Variants in ANO2 observed in about 807,000 individuals in gnomAD.
ANO2 encodes the protein anoctamin 2.
Under a neutral mutation model 124.2 loss-of-function variants are expected in ANO2, and 101 were observed. The ratio of observed to expected loss-of-function variants is 0.81; its 90% CI spans 0.69 to 0.96. The LOEUF (loss-of-function observed/expected upper bound fraction) is 0.96. Among genes scored for constraint, ANO2 ranks in the 40% least tolerant of loss-of-function variants. The pLI is 0.00. For missense variants in ANO2, 1,293 were observed against 1,274.5 expected (o/e 1.01, Z -0.22); for synonymous variants, 486 against 482.5 (o/e 1.01, Z -0.09).
intron 14 of ANO2, among the ~76,000 whole-genome samples, chr12:5,714,819 T>C (rs943610900): frequency 2.0e-5 from 3 of 152,222 alleles, no homozygotes; most frequent in African/African-American, 4.8e-5. Flanking sequence ...CTAAACTATA[T>C]ACAACCGGGA....
At chr12:5,715,813 G>GC (rs1301717224) in intron 14 of ANO2, among the ~76,000 whole-genome samples, 20 of 152,140 alleles carry the variant, frequency 1.3e-4, no homozygotes, top group Admixed American at 6.5e-4. Context: ...TGAGCTTCTG[G>GC]TAATCTATCC....
intron 11 of ANO2, among the ~76,000 whole-genome samples, chr12:5,747,156 A>G (rs1027748424): frequency 6.6e-6 from 1 of 152,234 alleles, no homozygotes; most frequent in Non-Finnish European, 1.5e-5. Flanking sequence ...CCTCTGTACT[A>G]TCTTTGCAAG....
chr12:5,783,985 A>T (rs1417697200), intron 10 of ANO2, among the ~76,000 whole-genome samples: 3 of 152,108 alleles, frequency 2.0e-5, no homozygotes, highest in African/African-American at 7.2e-5. Context: ...AAATCCTTCT[A>T]CATCACTTTA....
At chr12:5,799,312 C>T (rs925909644) in intron 10 of ANO2, among the ~76,000 whole-genome samples, 195 bp downstream of exon 10, 1 of 152,198 alleles carries the variant, frequency 6.6e-6, no homozygotes, top group South Asian at 2.1e-4. Flanking sequence ...TATCTTTTGC[C>T]CCACGCAGCC....
intron 3 of ANO2, among the ~76,000 whole-genome samples, chr12:5,919,447 C>T (rs929422179): frequency 3.4e-5 from 5 of 148,380 alleles, no homozygotes; most frequent in African/African-American, 1.2e-4. Context: ...GGCAACAGCA[C>T]AAAGACCTGA....
chr12:5,732,723 G>A (rs180712793), intron 13 of ANO2, 93 bp from the exon 14 acceptor site: 80 of 1,520,384 alleles, frequency 5.3e-5, no homozygotes, highest in East Asian at 3.0e-4. Flanking sequence ...TAACGTCAGC[G>A]TTTAGGATTG....
At chr12:5,672,947 T>C (rs1189269150) in intron 14 of ANO2, among the ~76,000 whole-genome samples, 7 of 152,188 alleles carry the variant, frequency 4.6e-5, no homozygotes, top group Admixed American at 1.3e-4. Context: ...AAATAGGTAA[T>C]GTATTCCTAC....
At chr12:5,732,984 A>G in intron 13 of ANO2, 1 of 1,304,042 alleles carries the variant, frequency 7.7e-7, no homozygotes, top group Admixed American at 1.8e-5. Context: ...AGGCAGAGGG[A>G]TATCCCTGGT....
intron 16 of ANO2, among the ~76,000 whole-genome samples, chr12:5,626,331 G>T (rs1945402578): frequency 6.6e-6 from 1 of 152,086 alleles, no homozygotes; most frequent in Non-Finnish European, 1.5e-5. Context: ...GCGGGTGGAG[G>T]TAACATATGT....
chr12:5,910,512 G>T (rs1940983541), intron 3 of ANO2, among the ~76,000 whole-genome samples: 3 of 152,154 alleles, frequency 2.0e-5, no homozygotes, highest in Admixed American at 2.0e-4. Context: ...ACAGTCACAG[G>T]AACTCATCTT....
intron 16 of ANO2, among the ~76,000 whole-genome samples, chr12:5,627,871 T>C (rs1006058567): frequency 1.4e-4 from 22 of 151,924 alleles, no homozygotes; most frequent in African/African-American, 5.1e-4. Context: ...GGCAGGAGAA[T>C]CACTTGAGCC....
intron 22 of ANO2, among the ~76,000 whole-genome samples, chr12:5,577,327 T>C (rs1942468530): frequency 1.3e-5 from 2 of 151,972 alleles, no homozygotes; most frequent in African/African-American, 4.9e-5. Context: ...CTGGCTGATA[T>C]GTTCCTGGGA....
At position 5,900,823 on chromosome 12, in the gene ANO2, A is replaced by C. The variant is rs998090669; in HGVS notation, c.534+20217T>G. ...TGGTGATGGCTGTTTGGAAAGAGTC[A>C]AGGCCAAGAGGGCAGGAAGGCGTCT... On this transcript the variant is annotated intron_variant, in intron 3 of 24. Coordinates refer to ENST00000682330, the MANE Select transcript of ANO2 (RefSeq NM_001364791.2). This position sits in a 1 kb window ranked among gnomAD's most constrained non-coding sequence, Gnocchi z 4.2. 6.6e-6 allele frequency among the ~76,000 whole-genome samples: 1 copy of C among 151,774 alleles called. No homozygotes were observed. The highest frequency in any genetic ancestry group is 6.5e-5 in the Admixed American group (1 of 15,274).
chr12:5,711,136 C>T (rs921225375), intron 14 of ANO2, among the ~76,000 whole-genome samples: 4 of 146,098 alleles, frequency 2.7e-5, no homozygotes, highest in African/African-American at 5.1e-5. Context: ...CCAGCCTGGG[C>T]GACAGAGCGA....
intron 16 of ANO2, among the ~76,000 whole-genome samples, chr12:5,631,199 A>G (rs928607354): frequency 2.6e-5 from 4 of 152,230 alleles, no homozygotes; most frequent in African/African-American, 7.2e-5. Flanking sequence ...AAGATCAGAC[A>G]GTACCTGATC....
chr12:5,805,702 T>G (rs1472954148), intron 9 of ANO2, among the ~76,000 whole-genome samples: 1 of 152,152 alleles, frequency 6.6e-6, no homozygotes, highest in East Asian at 1.9e-4. Flanking sequence ...TAGGCCAAGG[T>G]GCTCAAGTTT....
At chr12:5,880,910 G>GATGGATGGATGGATGT (rs1384029037) in intron 3 of ANO2, among the ~76,000 whole-genome samples, 1 of 151,852 alleles carries the variant, frequency 6.6e-6, no homozygotes, top group Non-Finnish European at 1.5e-5. Context: ...GGGATGGATG[G>GATGGATGGATGGATGT]ATGGATGGAT....
rs939394647 is a variant in ANO2, at chr12:5,658,556, C to T, written c.1546-10755G>A. Among the ~76,000 whole-genome samples, 14 of 151,424 alleles carry T rather than the reference C, an allele frequency of 9.2e-5. No individual in the cohort carries two copies. Among genetic ancestry groups the T allele is most frequent in the Admixed American group, 2.0e-4 (3 of 15,232 alleles). On this transcript the variant is annotated intron_variant, in intron 14 of 24. Coordinates refer to ENST00000682330, the MANE Select transcript of ANO2 (RefSeq NM_001364791.2). This position sits in a 1 kb window ranked among gnomAD's most constrained non-coding sequence, Gnocchi z 4.3. ...CATCGTATCAAAATCAATATAATCA[C>T]CAACATCAATATTATCATTGTCATC...
chr12:5,593,071 C>T (rs897124843), intron 20 of ANO2, among the ~76,000 whole-genome samples: 1 of 152,198 alleles, frequency 6.6e-6, no homozygotes, highest in African/African-American at 2.4e-5. Flanking sequence ...CTGGCTTTTA[C>T]TCCAAATGAA....
Sources: gnomAD v4.1 joint callset for allele counts (sites outside exome capture counted in the v4.1 genomes callset) on GRCh38, gnomAD v4.1.1 for gene constraint, Gnocchi (gnomAD v3.1) non-coding constraint, MANE v1.5 for transcripts, NCBI Gene and HGNC (gene_info 2026-07-23, HGNC 2026-07-21) for gene names.